Variants in ASIC2 observed in about 807,000 individuals in gnomAD.
ASIC2 encodes acid-sensing ion channel 2.
A neutral mutation model predicts 57.3 loss-of-function variants in ASIC2; 25 were observed. The ratio of observed to expected loss-of-function variants is 0.44; its 90% CI spans 0.32 to 0.61. The LOEUF is 0.61. ASIC2 is among the 20% of genes least tolerant of loss of function. The pLI, the probability that ASIC2 is intolerant of heterozygous loss-of-function variation, is 0.06. For synonymous variants in ASIC2, 319 were observed against 307.5 expected, an observed-to-expected ratio of 1.04 and a Z score of -0.39; for missense variants, 641 against 738.1, an observed-to-expected ratio of 0.87 and a Z score of 1.52.
In ASIC2 at chr17:33,264,548, C is replaced by T. The variant is rs182650561; in HGVS notation, c.708+26860G>A. ...TGATCAGAACCACTGCATCCCATAC[C>T]AGGCCACGTGCATCTCTCACAATGT... is the stretch of plus-strand genomic sequence containing the variant. On this transcript the variant is annotated intron_variant, in intron 1 of 9. Coordinates refer to ENST00000225823, the MANE Select transcript of ASIC2 (RefSeq NM_183377.2). Among the ~76,000 whole-genome samples the T allele has an allele frequency of 1.6e-4, 24 of 152,324 alleles. No homozygotes were observed. The East Asian group carries it at 4.6e-3, about 29-fold the overall frequency.
At chr17:33,741,046 G>C (rs923418021) in intron 1 of ASIC2, among the ~76,000 whole-genome samples, 2 of 152,158 alleles carry the variant, frequency 1.3e-5, no homozygotes, top group African/African-American at 4.8e-5. Context: ...CAGGGAAGGT[G>C]CTTGCTCAGG....
intron 1 of ASIC2, among the ~76,000 whole-genome samples, chr17:33,199,257 G>A (rs1597626247): frequency 1.3e-5 from 2 of 152,192 alleles, no homozygotes; most frequent in African/African-American, 4.8e-5. Flanking sequence ...TGATTTGAAA[G>A]GCAATATTTA....
intron 1 of ASIC2, among the ~76,000 whole-genome samples, chr17:33,963,211 C>A (rs1026077067): frequency 2.0e-5 from 3 of 152,152 alleles, no homozygotes; most frequent in Non-Finnish European, 4.4e-5. Flanking sequence ...TTCTACCAAC[C>A]CTCTTCCCAT....
chr17:34,085,454 C>G (rs149489900), intron 1 of ASIC2, among the ~76,000 whole-genome samples: 27 of 152,178 alleles, frequency 1.8e-4, no homozygotes, highest in Admixed American at 9.2e-4. Flanking sequence ...ATTTTATTGA[C>G]GATTTTTGCA....
chr17:33,699,180 G>A (rs111650893), intron 1 of ASIC2, among the ~76,000 whole-genome samples: 6 of 152,238 alleles, frequency 3.9e-5, no homozygotes, highest in African/African-American at 1.4e-4. Context: ...TCCTCACAAG[G>A]ACTCCATGAG....
intron 1 of ASIC2, among the ~76,000 whole-genome samples, chr17:33,168,964 C>A (rs1905405217): frequency 1.3e-5 from 2 of 152,096 alleles, no homozygotes; most frequent in African/African-American, 4.8e-5. Context: ...GAAAAAGACC[C>A]CAAAGGCATT....
chr17:34,150,841 G>A lies in ASIC2; in HGVS notation c.555+5137C>T, dbSNP rs116002161. On this transcript the variant is annotated intron_variant, in intron 1 of 9. Transcript: ENST00000359872. ...AGGTATAAAAAGTAAAGAGGGTGGC[G>A]TGGTGGCTCACACCTGTAATCCTAG... is the stretch of plus-strand genomic sequence containing the variant. Among the ~76,000 whole-genome samples the A allele has an allele frequency of 4.8e-3, 735 of 152,214 alleles. 8 individuals carry two copies. The highest frequency in any genetic ancestry group is 0.017 in the African/African-American group (702 of 41,530).
chr17:33,554,655 T>C (rs1198148172), intron 1 of ASIC2, among the ~76,000 whole-genome samples: 1 of 151,994 alleles, frequency 6.6e-6, no homozygotes, highest in Non-Finnish European at 1.5e-5. Flanking sequence ...GAGGAAGAAG[T>C]TGACAGGCAA....
chr17:34,099,578 G>A (rs1322324720), intron 1 of ASIC2, among the ~76,000 whole-genome samples: 2 of 140,822 alleles, frequency 1.4e-5, no homozygotes, highest in African/African-American at 2.7e-5. Context: ...AGGGAGGAAA[G>A]AAGGAAGGAA....
chr17:33,954,983 G>A (rs1904688904), intron 1 of ASIC2: 1 of 152,198 alleles, frequency 6.6e-6, no homozygotes, highest in Admixed American at 6.5e-5. Flanking sequence ...CATTTGAGAG[G>A]CAGGATACAA....
At position 33,351,851 on chromosome 17, in the gene ASIC2, G is replaced by A. The variant is rs563977562; in HGVS notation, c.556-239784C>T. Among the ~76,000 whole-genome samples, 46 of 152,262 alleles carry A rather than the reference G, an allele frequency of 3.0e-4. 1 individual carries two copies. Among genetic ancestry groups the A allele is most frequent in the Non-Finnish European group, 5.1e-4 (35 of 68,012 alleles). ...GGAAGAGACATGTAGATGTGGCATG[G>A]AGTGCTGGGGGATGAGGATGGGGGA... On this transcript the variant is annotated intron_variant, in intron 1 of 9. Transcript: ENST00000359872.
Position 33,787,266 on chromosome 17 carries a change from C to G in ASIC2, c.555+368712G>C, listed in dbSNP as rs141099193. ...CCAGAGGTCCCAGAGCTATTACTACCTTTTTGGAGGCAGTCTTTGTTACTG... is the reference window on the plus strand; with the variant it reads ...CCAGAGGTCCCAGAGCTATTACTACGTTTTTGGAGGCAGTCTTTGTTACTG... On this transcript the variant is annotated intron_variant, in intron 1 of 9. Transcript: ENST00000359872. Among the ~76,000 whole-genome samples, 259 of 152,302 alleles carry G rather than the reference C, an allele frequency of 1.7e-3. No homozygotes were observed. In the Middle Eastern group the frequency reaches 0.017, roughly 10 times the overall value.
At position 34,099,235 on chromosome 17, in the gene ASIC2, AAGAG is replaced by A. The variant is rs761750777; in HGVS notation, c.555+56739_555+56742del. ...AAGGAAAGAAAAGAAAGAAAAAAGA[AAGAG>A]AGAAAGGAAGGAAGGAGGGAAAAGA... On this transcript the variant is annotated intron_variant, in intron 1 of 9. Coordinates refer to the ASIC2 transcript ENST00000359872. Among the ~76,000 whole-genome samples the A allele has an allele frequency of 6.9e-4, 103 of 148,962 alleles. 1 individual carries two copies. The highest frequency in any genetic ancestry group is 1.3e-3 in the Non-Finnish European group (88 of 67,428).
At chr17:33,664,286 A>G (rs976529050) in intron 1 of ASIC2, among the ~76,000 whole-genome samples, 2 of 152,188 alleles carry the variant, frequency 1.3e-5, no homozygotes, top group African/African-American at 4.8e-5. Flanking sequence ...CTTCTCAAGG[A>G]AGTGGTCTCT....
intron 1 of ASIC2, among the ~76,000 whole-genome samples, chr17:33,119,154 T>C (rs1597587161): frequency 6.6e-6 from 1 of 152,200 alleles, no homozygotes; most frequent in Non-Finnish European, 1.5e-5. Context: ...CCTGCAAGCA[T>C]CAAACCTTCT....
At chr17:33,042,363 C>T (rs900546172) in intron 3 of ASIC2, among the ~76,000 whole-genome samples, 6 of 152,156 alleles carry the variant, frequency 3.9e-5, no homozygotes, top group Admixed American at 3.9e-4. Flanking sequence ...ATAACACCTG[C>T]CAGTTGGTGT....
intron 1 of ASIC2, among the ~76,000 whole-genome samples, chr17:34,081,698 A>T (rs938847161): frequency 6.6e-6 from 1 of 152,042 alleles, no homozygotes; most frequent in South Asian, 2.1e-4. Flanking sequence ...ATCTTTTCCC[A>T]CCTAAATTTT....
chr17:33,788,180 T>C (rs901439668), intron 1 of ASIC2, among the ~76,000 whole-genome samples: 2 of 151,620 alleles, frequency 1.3e-5, no homozygotes, highest in Non-Finnish European at 2.9e-5. Flanking sequence ...GGTCTAATTA[T>C]CCAGAATTTA....
chr17:33,385,300 A>T (rs1280187835), intron 1 of ASIC2, among the ~76,000 whole-genome samples: 2 of 151,958 alleles, frequency 1.3e-5, no homozygotes, highest in African/African-American at 4.8e-5. Context: ...CCAGCCCCTG[A>T]GCCCCTCCCT....
Sources: allele counts gnomAD v4.1 joint callset (sites outside exome capture counted in the v4.1 genomes callset), GRCh38; gene constraint gnomAD v4.1.1; transcripts MANE v1.5; gene names NCBI Gene and HGNC (gene_info 2026-07-23, HGNC 2026-07-21).